Variants in FRMD4A observed in about 807,000 individuals in gnomAD.
The protein encoded by FRMD4A is FERM domain containing 4A, also known as FERM domain-containing protein 4A.
In FRMD4A, 29 loss-of-function variants were observed where a neutral mutation model predicts 129.1. That is an observed-to-expected ratio of 0.22 (90% CI 0.17 to 0.31). The LOEUF is 0.31. FRMD4A is among the 10% of genes least tolerant of loss of function. The probability of loss-of-function intolerance (pLI) is 1.00; values close to 1 mark genes in which losing one functional copy is unlikely to be tolerated. For synonymous variants in FRMD4A, 634 were observed against 571.6 expected (o/e 1.11, Z -1.56); for missense variants, 1,272 against 1,375.8 (o/e 0.92, Z 1.19).
At position 13,793,378 on chromosome 10, in the gene FRMD4A, GC is replaced by G. The variant is rs1486836549; in HGVS notation, c.299+3117del. 2.0e-5 allele frequency among the ~76,000 whole-genome samples: 3 copies of G among 152,012 alleles called. No homozygotes were observed. The East Asian group carries it at 5.8e-4, about 29-fold the overall frequency. ...GTAGAGATGGGGTTTCACCATGTTG[GC>G]CGGGCTGGTCTCAACCTCCTAACTT... On this transcript the variant is annotated intron_variant, in intron 5 of 24. Transcript: ENST00000357447.
At chr10:13,967,702 T>C (rs1330482511) in intron 2 of FRMD4A, among the ~76,000 whole-genome samples, 1 of 152,214 alleles carries the variant, frequency 6.6e-6, no homozygotes, top group African/African-American at 2.4e-5. Flanking sequence ...TACAACTTTT[T>C]GTCCTCTGTC....
At chr10:13,876,268 G>A (rs1211249734) in intron 2 of FRMD4A, among the ~76,000 whole-genome samples, 5 of 152,218 alleles carry the variant, frequency 3.3e-5, no homozygotes, top group Admixed American at 6.5e-5. Flanking sequence ...TCTGATAGCT[G>A]ATGTATTTAC....
intron 2 of FRMD4A, among the ~76,000 whole-genome samples, chr10:14,275,894 CGAG>C (rs1218647976): frequency 2.0e-5 from 3 of 152,032 alleles, no homozygotes; most frequent in Non-Finnish European, 4.4e-5. Context: ...CAAAAATTAG[CGAG>C]GAGTAGTGAT....
At position 14,169,223 on chromosome 10, in the gene FRMD4A, G is replaced by A. The variant is rs569404841; in HGVS notation, c.45+160835C>T. ...CCTTGCCTATTTGAGGAGTGACTCC[G>A]AGATGAAGTGACTCCATCTTGGATG... On this transcript the variant is annotated intron_variant, in intron 2 of 24. Coordinates refer to ENST00000357447, the MANE Select transcript of FRMD4A (RefSeq NM_018027.5). Among the ~76,000 whole-genome samples the A allele has an allele frequency of 3.1e-4, 47 of 152,086 alleles. 1 individual carries two copies. Among genetic ancestry groups the A allele is most frequent in the Admixed American group, 2.0e-3 (31 of 15,270 alleles).
At chr10:13,763,424 G>A (rs1454942549) in intron 6 of FRMD4A, among the ~76,000 whole-genome samples, 2 of 152,194 alleles carry the variant, frequency 1.3e-5, no homozygotes, top group African/African-American at 4.8e-5. Context: ...TTCCTCGGTT[G>A]TACTAGCCAC....
intron 3 of FRMD4A, among the ~76,000 whole-genome samples, chr10:13,846,782 A>G (rs991757234): frequency 2.6e-5 from 4 of 152,216 alleles, no homozygotes; most frequent in Non-Finnish European, 2.9e-5. Context: ...GAGCAATCCA[A>G]TAGTATGGGC....
chr10:13,652,237 C>A, intron 23 of FRMD4A: 1 of 515,310 alleles, frequency 1.9e-6, no homozygotes, highest in Non-Finnish European at 3.5e-6. Context: ...CAGTTTATGC[C>A]AAGAACCAAA....
chr10:13,893,682 C>T (rs915262517), intron 2 of FRMD4A, among the ~76,000 whole-genome samples: 3 of 152,002 alleles, frequency 2.0e-5, no homozygotes, highest in East Asian at 3.9e-4. Flanking sequence ...CCACCATGCC[C>T]GGCTAATTTT....
intron 2 of FRMD4A, among the ~76,000 whole-genome samples, chr10:13,866,486 T>C (rs956118313): frequency 2.6e-5 from 4 of 152,136 alleles, no homozygotes; most frequent in Non-Finnish European, 5.9e-5. Flanking sequence ...CCACTTCAGT[T>C]TCCTTCACAG....
intron 2 of FRMD4A, among the ~76,000 whole-genome samples, chr10:14,258,032 A>C (rs1844676185): frequency 6.6e-6 from 1 of 152,142 alleles, no homozygotes. Flanking sequence ...ATCTTACACT[A>C]TATATAAAAA....
chr10:14,327,210 A>G (rs1037224787), intron 2 of FRMD4A, among the ~76,000 whole-genome samples: 8 of 152,252 alleles, frequency 5.3e-5, no homozygotes, highest in African/African-American at 1.7e-4. Flanking sequence ...ATGGCAGAGT[A>G]TGAATGAACA....
At chr10:13,753,251 G>A (rs976730082) in intron 8 of FRMD4A, among the ~76,000 whole-genome samples, 2 of 152,160 alleles carry the variant, frequency 1.3e-5, no homozygotes, top group Admixed American at 6.5e-5. Flanking sequence ...ACAAAGAAAA[G>A]AGAGCACCTG....
In FRMD4A at chr10:14,326,498, G is replaced by T. The variant is rs78388588; in HGVS notation, c.45+3560C>A. 8.4e-3 allele frequency: 1,551 copies of T among 185,676 alleles called. 24 individuals carry two copies. Among genetic ancestry groups the T allele is most frequent in the African/African-American group, 0.027 (1,177 of 43,122 alleles). The allele number at this position is 185,676 out of a possible 1,614,324, so 11.5% of individuals were successfully genotyped here. A position where few individuals can be genotyped will look rare whatever the true frequency, so the allele number is the denominator to read the frequency against. On this transcript the variant is annotated intron_variant, in intron 2 of 24. Transcript: ENST00000357447. ...GGTCTTAAAAATAGGGTCATGGATG[G>T]AATTAAATGAGATAATGTATTTAAA...
Position 13,753,303 on chromosome 10 carries a change from A to C in FRMD4A, c.465-5484T>G, listed in dbSNP as rs1471401925. Among the ~76,000 whole-genome samples, 6 of 152,158 alleles carry C rather than the reference A, an allele frequency of 3.9e-5. No homozygotes were observed. The South Asian group carries it at 8.3e-4, about 21-fold the overall frequency. ...CACATGCTTTTTTCCCCAGGTGTGT[A>C]GGAAAGAAATGTTGCAGGGGTCTTC... On this transcript the variant is annotated intron_variant, in intron 8 of 24. Coordinates refer to ENST00000357447, the MANE Select transcript of FRMD4A (RefSeq NM_018027.5).
chr10:14,162,630 GTTTTTTTTTTGTTT>G (rs1194182833), intron 2 of FRMD4A, among the ~76,000 whole-genome samples: 17 of 117,342 alleles, frequency 1.4e-4, no homozygotes, highest in African/African-American at 5.6e-4. Flanking sequence ...GAGTTTCTCT[GTTTTTTTTTTGTTT>G]TTTTTTTTTT....
intron 12 of FRMD4A, among the ~76,000 whole-genome samples, chr10:13,735,721 C>A (rs1338672481): frequency 6.6e-6 from 1 of 152,168 alleles, no homozygotes; most frequent in Non-Finnish European, 1.5e-5. Flanking sequence ...TGCTGTAGAC[C>A]TCAATTATGC....
At chr10:14,132,993 T>A (rs1839341305) in intron 2 of FRMD4A, among the ~76,000 whole-genome samples, 1 of 152,224 alleles carries the variant, frequency 6.6e-6, no homozygotes, top group Admixed American at 6.5e-5. Context: ...AATCCTATTT[T>A]ATCCTCATGC....
intron 2 of FRMD4A, among the ~76,000 whole-genome samples, chr10:13,923,413 T>G (rs1279368153): frequency 6.6e-6 from 1 of 152,198 alleles, no homozygotes; most frequent in African/African-American, 2.4e-5. Flanking sequence ...GTACCACAAC[T>G]TTAGACTTAG....
intron 4 of FRMD4A, among the ~76,000 whole-genome samples, chr10:13,800,767 C>T (rs1278422817): frequency 6.6e-6 from 1 of 152,224 alleles, no homozygotes; most frequent in East Asian, 1.9e-4. Flanking sequence ...GGTTTACGCA[C>T]TGCCAATTCT....
Sources: allele counts gnomAD v4.1 joint callset (sites outside exome capture counted in the v4.1 genomes callset), GRCh38; gene constraint gnomAD v4.1.1; transcripts MANE v1.5; gene names NCBI Gene and HGNC (gene_info 2026-07-23, HGNC 2026-07-21).